The following ARHGAP24 variants were observed in gnomAD, a reference collection of about 807,000 sequenced individuals.
The protein encoded by ARHGAP24 is rho GTPase-activating protein 24.
ARHGAP24 carries 50 observed loss-of-function variants against 76.4 expected under a neutral mutation model. The ratio of observed to expected loss-of-function variants is 0.65; its 90% CI spans 0.52 to 0.83. The LOEUF (loss-of-function observed/expected upper bound fraction) is 0.83, where lower values mean the gene tolerates loss of function less well. Among genes scored for constraint, ARHGAP24 ranks in the 40% least tolerant of loss-of-function variants. The pLI is 0.00. For synonymous variants in ARHGAP24, 345 were observed against 323.3 expected (o/e 1.07, Z -0.72); for missense variants, 930 against 914.2 (o/e 1.02, Z -0.22).
intron 1 of ARHGAP24, among the ~76,000 whole-genome samples, chr4:85,547,122 C>T (rs1295580405): frequency 6.6e-6 from 1 of 152,006 alleles, no homozygotes; most frequent in African/African-American, 2.4e-5. Flanking sequence ...CATCTATTTG[C>T]CCTATATTGT....
chr4:85,497,158 A>G (rs1301815247), intron 1 of ARHGAP24, among the ~76,000 whole-genome samples: 4 of 152,242 alleles, frequency 2.6e-5, no homozygotes, highest in African/African-American at 9.6e-5. Flanking sequence ...GATTGGAAAT[A>G]TCCCAACCAA....
At chr4:85,848,071 A>G (rs1010002282) in intron 3 of ARHGAP24, among the ~76,000 whole-genome samples, 6 of 152,212 alleles carry the variant, frequency 3.9e-5, no homozygotes, top group Admixed American at 3.3e-4. Flanking sequence ...CAATCTATAC[A>G]GTGAGGCAGT....
chr4:85,705,378 C>A (rs1267928352), intron 2 of ARHGAP24, among the ~76,000 whole-genome samples: 1 of 152,038 alleles, frequency 6.6e-6, no homozygotes, highest in Non-Finnish European at 1.5e-5. Context: ...AAGACATATA[C>A]ATATTGAAGT....
chr4:85,944,242 G>A (rs1484757794), intron 5 of ARHGAP24, among the ~76,000 whole-genome samples: 1 of 152,124 alleles, frequency 6.6e-6, no homozygotes, highest in Non-Finnish European at 1.5e-5. Flanking sequence ...ATGTTTGTTG[G>A]CCACATAAAT....
At chr4:85,641,551 C>T (rs997447006) in intron 2 of ARHGAP24, among the ~76,000 whole-genome samples, 1 of 152,144 alleles carries the variant, frequency 6.6e-6, no homozygotes, top group East Asian at 1.9e-4. Flanking sequence ...ATTGTTTTCT[C>T]TCTGAGTCTG....
At chr4:85,485,366 A>T (rs1722992414) in intron 1 of ARHGAP24, among the ~76,000 whole-genome samples, 1 of 62,398 alleles carries the variant, frequency 1.6e-5, no homozygotes, top group African/African-American at 7.4e-5. Flanking sequence ...AAAAAAAAAA[A>T]AAAAAAAAAA....
chr4:85,670,835 T>A (rs2110001469), intron 2 of ARHGAP24, among the ~76,000 whole-genome samples: 1 of 152,290 alleles, frequency 6.6e-6, no homozygotes, highest in African/African-American at 2.4e-5. Flanking sequence ...ATGTTTAGAA[T>A]ACTTCAGTGG....
At chr4:85,794,314 A>G (rs185183148) in intron 3 of ARHGAP24, among the ~76,000 whole-genome samples, 3 of 152,214 alleles carry the variant, frequency 2.0e-5, no homozygotes, top group African/African-American at 7.2e-5. Context: ...CAGAGATGTT[A>G]TATGCCACTG....
At chr4:85,695,857 G>A (rs1476377070) in intron 2 of ARHGAP24, among the ~76,000 whole-genome samples, 1 of 152,006 alleles carries the variant, frequency 6.6e-6, no homozygotes, top group Non-Finnish European at 1.5e-5. Context: ...CAGTACATAT[G>A]GTACCCAATA....
intron 2 of ARHGAP24, among the ~76,000 whole-genome samples, chr4:85,598,742 T>C (rs1719926914): frequency 6.7e-6 from 1 of 149,948 alleles, no homozygotes; most frequent in Admixed American, 6.7e-5. Context: ...CACTGTTTTG[T>C]TTTGTTTTTT....
intron 3 of ARHGAP24, among the ~76,000 whole-genome samples, chr4:85,853,114 G>T (rs1348455463): frequency 2.6e-5 from 4 of 152,234 alleles, no homozygotes; most frequent in Admixed American, 2.0e-4. Context: ...GCCTTGTGGT[G>T]CTGTGGTGGG....
chr4:85,952,558 T>G (rs999817582), intron 5 of ARHGAP24, among the ~76,000 whole-genome samples: 3 of 152,236 alleles, frequency 2.0e-5, no homozygotes, highest in Admixed American at 2.0e-4. Flanking sequence ...TTGAAATTCA[T>G]ACGCTATTGG....
At chr4:85,643,155 T>C (rs1721587356) in intron 2 of ARHGAP24, among the ~76,000 whole-genome samples, 1 of 151,944 alleles carries the variant, frequency 6.6e-6, no homozygotes, top group Non-Finnish European at 1.5e-5. Flanking sequence ...ACCACTAAAA[T>C]TGCAAACTGG....
chr4:85,890,087 G>A (rs1733803905), intron 3 of ARHGAP24, among the ~76,000 whole-genome samples: 2 of 152,114 alleles, frequency 1.3e-5, no homozygotes, highest in South Asian at 4.1e-4. Flanking sequence ...GTTTTGAAAA[G>A]TCAACCTGAG....
In ARHGAP24 at chr4:85,610,576, G is replaced by A. The variant is rs1056854021; in HGVS notation, c.180+39855G>A. Among the ~76,000 whole-genome samples, 41 of 151,846 alleles carry A rather than the reference G, an allele frequency of 2.7e-4. 1 individual carries two copies. Among genetic ancestry groups the A allele is most frequent in the African/African-American group, 9.2e-4 (38 of 41,384 alleles). On this transcript the variant is annotated intron_variant, in intron 2 of 9. Transcript: ENST00000395184. ...GACAAAATGCAAAGGGTCTGAAATG[G>A]GTGAAGCTGAGTTGAAACTATATCA... is the stretch of plus-strand genomic sequence containing the variant.
intron 1 of ARHGAP24, among the ~76,000 whole-genome samples, chr4:85,478,464 C>A (rs914708143): frequency 6.6e-6 from 1 of 152,140 alleles, no homozygotes; most frequent in Admixed American, 6.5e-5. Flanking sequence ...GATGAAGAAT[C>A]AAAGAATATT....
chr4:85,512,172 C>G (rs1335569498), intron 1 of ARHGAP24, among the ~76,000 whole-genome samples: 1 of 152,234 alleles, frequency 6.6e-6, no homozygotes, highest in African/African-American at 2.4e-5. Flanking sequence ...GTTCAAGTCT[C>G]ATTTCCTCCA....
At chr4:85,806,423 G>A (rs1462760278) in intron 3 of ARHGAP24, among the ~76,000 whole-genome samples, 1 of 152,112 alleles carries the variant, frequency 6.6e-6, no homozygotes, top group Non-Finnish European at 1.5e-5. Flanking sequence ...ATGCTGTTTG[G>A]CAATAATGTG....
chr4:85,917,027 G>T (rs1424195152), intron 3 of ARHGAP24, among the ~76,000 whole-genome samples: 1 of 151,906 alleles, frequency 6.6e-6, no homozygotes, highest in Non-Finnish European at 1.5e-5. Flanking sequence ...TCGTCATTTA[G>T]CAGTAGGTAT....
Sources: allele counts gnomAD v4.1 joint callset (sites outside exome capture counted in the v4.1 genomes callset), GRCh38; gene constraint gnomAD v4.1.1; transcripts MANE v1.5; gene names NCBI Gene and HGNC (gene_info 2026-07-23, HGNC 2026-07-21).